Variants in RBFOX1 observed in about 807,000 individuals in gnomAD.
The protein encoded by RBFOX1 is RNA binding fox-1 homolog 1, also known as RNA binding protein fox-1 homolog 1.
RBFOX1 carries 8 observed loss-of-function variants against 57.7 expected under a neutral mutation model. The observed-to-expected ratio is 0.14, with a 90% CI of 0.08 to 0.25. RBFOX1 has a LOEUF of 0.25. Among genes scored for constraint, RBFOX1 ranks in the 10% least tolerant of loss-of-function variants. The pLI is 1.00. For missense variants in RBFOX1, 611 were observed against 548.5 expected, an observed-to-expected ratio of 1.11 and a Z score of -1.14; for synonymous variants, 326 against 222.4, an observed-to-expected ratio of 1.47 and a Z score of -4.15.
intron 4 of RBFOX1, among the ~76,000 whole-genome samples, chr16:7,192,498 T>G (rs146693664): frequency 6.6e-6 from 1 of 152,282 alleles, no homozygotes; most frequent in Non-Finnish European, 1.5e-5. Flanking sequence ...CACTCTTCAC[T>G]TTGAATAAAT....
At chr16:7,697,519 G>A (rs201467300) in intron 14 of RBFOX1, among the ~76,000 whole-genome samples, 2 of 21,238 alleles carry the variant, frequency 9.4e-5, no homozygotes, top group East Asian at 1.5e-3. Flanking sequence ...ATACATACAT[G>A]CATGTATATG....
intron 3 of RBFOX1, among the ~76,000 whole-genome samples, chr16:6,874,320 G>C (rs1156731213): frequency 6.6e-6 from 1 of 151,896 alleles, no homozygotes; most frequent in East Asian, 1.9e-4. Context: ...AGACCAGCCT[G>C]GCCAACATGA....
At chr16:6,176,863 A>G (rs1352354024) in intron 1 of RBFOX1, among the ~76,000 whole-genome samples, 1 of 152,158 alleles carries the variant, frequency 6.6e-6, no homozygotes, top group African/African-American at 2.4e-5. Context: ...GCCTCCAGCA[A>G]GCATTCATGG....
At chr16:6,902,703 C>G (rs1327373976) in intron 3 of RBFOX1, among the ~76,000 whole-genome samples, 1 of 152,142 alleles carries the variant, frequency 6.6e-6, no homozygotes, top group African/African-American at 2.4e-5. Flanking sequence ...GTCAGGGTGA[C>G]AAGTCAAGAC....
At chr16:7,137,478 C>T (rs1238012039) in intron 4 of RBFOX1, among the ~76,000 whole-genome samples, 2 of 152,190 alleles carry the variant, frequency 1.3e-5, no homozygotes, top group African/African-American at 4.8e-5. Context: ...CATTCTCTCT[C>T]TTGCCCGCTG....
At chr16:5,826,683 T>G (rs898954314) in intron 3 of RBFOX1, among the ~76,000 whole-genome samples, 1 of 152,268 alleles carries the variant, frequency 6.6e-6, no homozygotes, top group African/African-American at 2.4e-5. Context: ...AGTTATTAGA[T>G]TCACTGCTGT....
At chr16:6,972,873 C>G (rs2085897277) in intron 3 of RBFOX1, among the ~76,000 whole-genome samples, 1 of 152,272 alleles carries the variant, frequency 6.6e-6, no homozygotes, top group Non-Finnish European at 1.5e-5. Context: ...CCTGTTATCA[C>G]AACACTTTGG....
chr16:7,667,581 G>A (rs1425725685), intron 13 of RBFOX1, among the ~76,000 whole-genome samples: 1 of 152,296 alleles, frequency 6.6e-6, no homozygotes, highest in East Asian at 1.9e-4. Flanking sequence ...CTTCAAGCTC[G>A]TTAAAAGTAG....
chr16:6,479,305 C>T (rs1293427214), intron 2 of RBFOX1, among the ~76,000 whole-genome samples: 2 of 152,132 alleles, frequency 1.3e-5, no homozygotes, highest in Admixed American at 1.3e-4. Flanking sequence ...GAGAGAGAGC[C>T]AGAAAGATCA....
At chr16:7,368,265 G>C (rs9930136) in intron 4 of RBFOX1, among the ~76,000 whole-genome samples, 2,186 of 118,546 alleles carry the variant, frequency 0.018, 56 homozygotes, top group Middle Eastern at 0.059. Flanking sequence ...AGACTGTCTC[G>C]AAAAAAAAAA....
intron 1 of RBFOX1, among the ~76,000 whole-genome samples, chr16:5,324,863 A>G (rs1340970713): frequency 1.3e-5 from 2 of 152,144 alleles, no homozygotes; most frequent in African/African-American, 4.8e-5. Flanking sequence ...GAAAATAACT[A>G]TCATTTACTA....
At chr16:5,701,832 C>G (rs1426650152) in intron 3 of RBFOX1, among the ~76,000 whole-genome samples, 1 of 152,200 alleles carries the variant, frequency 6.6e-6, no homozygotes, top group Non-Finnish European at 1.5e-5. Context: ...GCCAGTTCAG[C>G]CTTCCTGGAC....
At chr16:6,061,800 A>G (rs181206363) in intron 1 of RBFOX1, among the ~76,000 whole-genome samples, 43 of 152,230 alleles carry the variant, frequency 2.8e-4, no homozygotes, top group African/African-American at 1.0e-3. Flanking sequence ...CCCATCAACA[A>G]CCAGTTCTCC....
intron 5 of RBFOX1, among the ~76,000 whole-genome samples, chr16:7,557,372 C>G (rs1039351802): frequency 1.3e-5 from 2 of 152,058 alleles, no homozygotes; most frequent in African/African-American, 4.8e-5. Flanking sequence ...GTAATCCCAG[C>G]ACTTTGGGAG....
chr16:6,276,532 G>T (rs1025206376), intron 1 of RBFOX1, among the ~76,000 whole-genome samples: 7 of 152,068 alleles, frequency 4.6e-5, no homozygotes, highest in Admixed American at 1.3e-4. Context: ...TAGTAGAAAT[G>T]GGGTTTTACC....
chr16:6,693,355 G>T (rs111165027), intron 3 of RBFOX1, among the ~76,000 whole-genome samples: 1 of 122,720 alleles, frequency 8.1e-6, no homozygotes, highest in Non-Finnish European at 1.7e-5. Context: ...TAGCATCACC[G>T]CCATCATCAT....
intron 14 of RBFOX1, among the ~76,000 whole-genome samples, chr16:7,706,869 C>T (rs2082620082): frequency 6.6e-6 from 1 of 152,170 alleles, no homozygotes; most frequent in Non-Finnish European, 1.5e-5. Context: ...GGGTAAAGGC[C>T]CAGGTCTCAG....
intron 4 of RBFOX1, among the ~76,000 whole-genome samples, chr16:5,899,991 T>C (rs947938460): frequency 1.3e-5 from 2 of 152,098 alleles, no homozygotes; most frequent in Non-Finnish European, 2.9e-5. Flanking sequence ...GATGGGAGGA[T>C]TGCTTGAACC....
intron 3 of RBFOX1, among the ~76,000 whole-genome samples, chr16:6,957,116 T>TTTTATTTTTA (rs2082021467): frequency 7.2e-6 from 1 of 139,244 alleles, no homozygotes; most frequent in South Asian, 2.3e-4. Flanking sequence ...TTATTTTTAT[T>TTTTATTTTTA]TTTATTTATT....
Sources: allele counts gnomAD v4.1 joint callset (sites outside exome capture counted in the v4.1 genomes callset), GRCh38; gene constraint gnomAD v4.1.1; transcripts MANE v1.5; gene names NCBI Gene and HGNC (gene_info 2026-07-23, HGNC 2026-07-21).